Variants in USP28 observed in about 807,000 individuals in gnomAD.
USP28 encodes the protein ubiquitin carboxyl-terminal hydrolase 28.
A neutral mutation model predicts 145.0 loss-of-function variants in USP28; 113 were observed. That is an observed-to-expected ratio of 0.78 (90% CI 0.67 to 0.91). USP28 has a LOEUF of 0.91. USP28 is among the 40% of genes least tolerant of loss of function. USP28 has a pLI of 0.00. For missense variants in USP28, 1,201 were observed against 1,289.6 expected (o/e 0.93, Z 1.05); for synonymous variants, 447 against 450.9 (o/e 0.99, Z 0.11).
rs374046981 is a variant in USP28, at chr11:113,834,394, T to C, written c.535-59A>G. ...TCCTGAAAATAACTGCAGCAACATA[T>C]GTATTTTTCACTTCAAATATTTTAT... On this transcript the variant is annotated intron_variant, in intron 5 of 24. Transcript: ENST00000003302. 14 of 1,185,654 alleles carry C rather than the reference T, an allele frequency of 1.2e-5. No individual in the cohort carries two copies. In the Admixed American group the frequency reaches 1.6e-4, roughly 14 times the overall value. The allele number at this position is 1,185,654 out of a possible 1,614,324, so 73.4% of individuals were successfully genotyped here.
At chr11:113,846,199 T>C (rs991327556) in intron 3 of USP28, among the ~76,000 whole-genome samples, 3 of 152,218 alleles carry the variant, frequency 2.0e-5, no homozygotes, top group African/African-American at 7.2e-5. Flanking sequence ...ATTCAACGCA[T>C]ACTAAGTAAG....
intron 18 of USP28, among the ~76,000 whole-genome samples, chr11:113,807,383 AT>A (rs35233258): frequency 0.77 from 115,807 of 151,110 alleles, 44,787 homozygotes; most frequent in East Asian, 0.89. Context: ...CTTGTCAATG[AT>A]TTTTTTTTTT....
chr11:113,867,599 A>T (rs1948407019), intron 1 of USP28, among the ~76,000 whole-genome samples: 1 of 151,916 alleles, frequency 6.6e-6, no homozygotes, highest in South Asian at 2.1e-4. Flanking sequence ...GCAGTGGCAC[A>T]CACCTGTAGT....
At chr11:113,854,558 C>G (rs887906435) in intron 1 of USP28, among the ~76,000 whole-genome samples, 5 of 152,180 alleles carry the variant, frequency 3.3e-5, no homozygotes, top group Non-Finnish European at 5.9e-5. Flanking sequence ...CAGGCCACCA[C>G]GCCCAGCTAA....
rs527634398 is a variant in USP28, at chr11:113,823,704, A to G, written c.1188-4T>C. The G allele has an allele frequency of 2.5e-4, 393 of 1,592,524 alleles. 7 individuals carry two copies. The South Asian group carries it at 4.3e-3, about 17-fold the overall frequency. ...CTCCTTGCTCCTGTACATGTACCTA[A>G]GTAAATAATCCCACAAACACAATTT... On this transcript the variant is annotated splice_polypyrimidine_tract_variant and splice_region_variant and intron_variant, in intron 11 of 24. Transcript: ENST00000003302.
intron 5 of USP28, among the ~76,000 whole-genome samples, chr11:113,838,027 C>A (rs12418634): frequency 0.035 from 5,349 of 152,216 alleles, 441 homozygotes; most frequent in East Asian, 0.3. Flanking sequence ...TACTTCAACT[C>A]TAATTTGCAG....
At chr11:113,823,941 T>C (rs1337642740) in intron 11 of USP28, among the ~76,000 whole-genome samples, 2 of 151,898 alleles carry the variant, frequency 1.3e-5, no homozygotes, top group Non-Finnish European at 1.5e-5. Flanking sequence ...TGCAATAAAG[T>C]AAGAAAAACA....
At chr11:113,805,142 A>G in intron 19 of USP28, 96 bp from the exon 21 acceptor site, 2 of 1,127,136 alleles carry the variant, frequency 1.8e-6, no homozygotes, top group African/African-American at 3.2e-5. Flanking sequence ...CTTGACTCTA[A>G]AAAGACTTCT....
chr11:113,800,754 T>C (rs963241412), intron 24 of USP28, among the ~76,000 whole-genome samples: 6 of 152,050 alleles, frequency 3.9e-5, no homozygotes, highest in Non-Finnish European at 8.8e-5. Flanking sequence ...TAATTAATCT[T>C]GAAGTCATCA....
At chr11:113,851,542 T>A (rs1946442833) in intron 3 of USP28, among the ~76,000 whole-genome samples, 1 of 152,146 alleles carries the variant, frequency 6.6e-6, no homozygotes, top group Non-Finnish European at 1.5e-5. Context: ...ACACCTGTAA[T>A]CCTAGCACTC....
intron 5 of USP28, 29 bp from the exon 6 acceptor site, chr11:113,834,364 G>A: frequency 6.8e-7 from 1 of 1,476,516 alleles, no homozygotes; most frequent in Non-Finnish European, 9.3e-7. Flanking sequence ...GGGATTCATA[G>A]CCTTTCCTGA....
intron 5 of USP28, chr11:113,835,379 C>T: frequency 2.2e-6 from 1 of 454,964 alleles, no homozygotes; most frequent in Admixed American, 2.4e-5. Flanking sequence ...AAAACAGCTT[C>T]TTGGTATTCT....
intron 24 of USP28, 46 bp from the exon 26 acceptor site, chr11:113,799,461 C>G: frequency 6.3e-7 from 1 of 1,580,088 alleles, no homozygotes; most frequent in African/African-American, 1.4e-5. Flanking sequence ...AAACAGATTT[C>G]TGAGTAAAAG....
intron 1 of USP28, among the ~76,000 whole-genome samples, chr11:113,862,032 G>C (rs1947747628): frequency 6.6e-6 from 1 of 152,238 alleles, no homozygotes; most frequent in African/African-American, 2.4e-5. Flanking sequence ...GGGTCTTCGT[G>C]TGTAGTTTCT....
exon 17 of USP28, chr11:113,809,189 A>C (rs969289797): frequency 6.2e-7 from 1 of 1,614,230 alleles, no homozygotes. Context: ...TCCTGAATGT[A>C]ATGCTTGAGT....
intron 18 of USP28, 33 bp from the exon 19 acceptor site, chr11:113,808,169 A>C (rs1419784743): frequency 1.3e-6 from 2 of 1,524,530 alleles, no homozygotes; most frequent in Non-Finnish European, 1.7e-6. Context: ...AAGAGTAAGA[A>C]AAAACAGGAG....
intron 13 of USP28, among the ~76,000 whole-genome samples, chr11:113,816,516 A>C (rs1196843127): frequency 6.6e-6 from 1 of 151,998 alleles, no homozygotes; most frequent in Non-Finnish European, 1.5e-5. Context: ...CATCTCAAAA[A>C]AACAAACAAA....
chr11:113,841,639 AGAATTATAAGTT>A lies in USP28; in HGVS notation c.374+12_374+23del, dbSNP rs1361668478. ...GAGATACACACAAATGTGGGGGGCA[AGAATTATAAGTT>A]AAATCAATAACCTGTTAAGATCTCT... On this transcript the variant is annotated intron_variant, in intron 4 of 24. Coordinates refer to ENST00000003302, the Ensembl canonical transcript of USP28. 3 of 1,524,594 alleles carry A rather than the reference AGAATTATAAGTT, an allele frequency of 2.0e-6. No homozygotes were observed. The allele number at this position is 1,524,594 out of a possible 1,614,324, so 94.4% of individuals were successfully genotyped here.
At chr11:113,829,456 T>C (rs1261086005) in intron 9 of USP28, 111 bp from the exon 10 acceptor site, 1 of 1,361,216 alleles carries the variant, frequency 7.3e-7, no homozygotes, top group Non-Finnish European at 1.0e-6. Context: ...TGATAGCTGG[T>C]TAGAAATGCA....
Sources: allele counts gnomAD v4.1 joint callset (sites outside exome capture counted in the v4.1 genomes callset), GRCh38; gene constraint gnomAD v4.1.1; transcripts MANE v1.5; gene names NCBI Gene and HGNC (gene_info 2026-07-23, HGNC 2026-07-21).